CAPN7: variants seen among roughly 807,000 people sequenced by gnomAD.
The protein encoded by CAPN7 is calpain-7.
A neutral mutation model predicts 115.2 loss-of-function variants in CAPN7; 72 were observed. The observed-to-expected ratio is 0.63, with a 90% CI of 0.52 to 0.76. The LOEUF (loss-of-function observed/expected upper bound fraction) is 0.76. Among genes scored for constraint, CAPN7 ranks in the 30% least tolerant of loss-of-function variants. The pLI is 0.00. For synonymous variants in CAPN7, 344 were observed against 322.3 expected, an observed-to-expected ratio of 1.07 and a Z score of -0.72; for missense variants, 905 against 971.5, an observed-to-expected ratio of 0.93 and a Z score of 0.91.
intron 12 of CAPN7, among the ~76,000 whole-genome samples, chr3:15,237,455 C>T (rs752584894): frequency 7.2e-5 from 11 of 152,064 alleles, no homozygotes; most frequent in Non-Finnish European, 1.3e-4. Context: ...TTAATGAGGA[C>T]AGTAGGGACC....
Position 15,251,220 on chromosome 3 carries a change from T to G in CAPN7, c.2402T>G (p.Phe801Cys). 4 of 1,610,712 alleles carry G rather than the reference T, an allele frequency of 2.5e-6. No individual in the cohort carries two copies. The highest frequency in any genetic ancestry group is 3.4e-6 in the Non-Finnish European group (4 of 1,178,768). Reference protein sequence around the residue: ...PKQEGPFFLDFNSIIPIKITQ... With the variant: ...PKQEGPFFLDCNSIIPIKITQ... Reference sequence around the variant, plus strand: ...CAAGAAGGACCTTTTTTCTTGGACTTTAATAGTATTATCCCCATCAAGATC... The same window carrying G: ...CAAGAAGGACCTTTTTTCTTGGACTGTAATAGTATTATCCCCATCAAGATC... The change falls in exon 21 of 21, where the codon TTT becomes TGT. Residue 801 changes from phenylalanine to cysteine, a missense_variant. Physicochemically the swap from Phe to Cys is radical, Grantham distance 205 (BLOSUM62 -2). Coordinates refer to ENST00000253693, the MANE Select transcript of CAPN7 (RefSeq NM_014296.3).
chr3:15,229,116 T>A, intron 8 of CAPN7, 57 bp downstream of exon 8: 1 of 1,269,524 alleles, frequency 7.9e-7, no homozygotes, highest in Non-Finnish European at 1.2e-6. Flanking sequence ...ACTAGAAATT[T>A]AAAACTTAAG....
intron 17 of CAPN7, chr3:15,245,917 A>G: frequency 2.7e-6 from 1 of 363,868 alleles, no homozygotes; most frequent in Non-Finnish European, 4.9e-6. Context: ...GTGGTAATAT[A>G]GTATGTTGGA....
rs776033856 is a variant in CAPN7, at chr3:15,217,614, T to C, written c.369+32T>C. The C allele has an allele frequency of 1.9e-6, 3 of 1,547,710 alleles. No homozygotes were observed. In the South Asian group the frequency reaches 3.8e-5, roughly 19 times the overall value. ...ATAGCTACAAATTACGTTTGATGAG[T>C]TATGCCAAACCATTTCTTCTCTTGC... On this transcript the variant is annotated intron_variant, in intron 3 of 20. Coordinates refer to ENST00000253693, the MANE Select transcript of CAPN7 (RefSeq NM_014296.3).
intron 16 of CAPN7, among the ~76,000 whole-genome samples, chr3:15,244,959 T>C (rs929774585): frequency 2.6e-5 from 4 of 152,138 alleles, no homozygotes; most frequent in African/African-American, 7.2e-5. Flanking sequence ...TATACACTTA[T>C]ACCAGAAACA....
At chr3:15,217,317 A>G (rs767379618) in intron 2 of CAPN7, 108 bp from the exon 3 acceptor site, 10 of 961,130 alleles carry the variant, frequency 1.0e-5, no homozygotes, top group Non-Finnish European at 1.4e-5. Flanking sequence ...AGTTTTTTAA[A>G]TGAAGAATAC....
Position 15,251,429 on chromosome 3 carries a change from T to C in CAPN7, c.*169T>C. The C allele has an allele frequency of 1.8e-6, 1 of 543,538 alleles. No individual in the cohort carries two copies. The highest frequency in any genetic ancestry group is 3.2e-6 in the Non-Finnish European group (1 of 316,486). The allele number at this position is 543,538 out of a possible 1,614,324, so 33.7% of individuals were successfully genotyped here. On this transcript the variant is annotated 3_prime_UTR_variant, in exon 21 of 21. Coordinates refer to ENST00000253693, the MANE Select transcript of CAPN7 (RefSeq NM_014296.3). ...CAGGGTGTTTGGTAAGAACTGTATA[T>C]AGTCAGAATTACCTAAATCACCTAG...
intron 7 of CAPN7, among the ~76,000 whole-genome samples, chr3:15,228,462 C>T (rs912803580): frequency 6.6e-6 from 1 of 152,094 alleles, no homozygotes; most frequent in Non-Finnish European, 1.5e-5. Flanking sequence ...ATGGAATCAA[C>T]CTAAATGCCC....
In CAPN7 at chr3:15,211,669, C is replaced by T. The variant is rs1002936224; in HGVS notation, c.103-435C>T. On this transcript the variant is annotated intron_variant, in intron 1 of 20. Coordinates refer to ENST00000253693, the MANE Select transcript of CAPN7 (RefSeq NM_014296.3). ...CAGCACTTTGGGAGGCCGAGGTGGG[C>T]AGATCACTTGAGGCCAGGAGTTCAA... 2.6e-5 allele frequency among the ~76,000 whole-genome samples: 4 copies of T among 151,522 alleles called. No homozygotes were observed. The East Asian group carries it at 7.7e-4, about 29-fold the overall frequency.
intron 3 of CAPN7, among the ~76,000 whole-genome samples, chr3:15,217,869 A>G (rs1028023936): frequency 6.6e-6 from 1 of 152,218 alleles, no homozygotes; most frequent in Non-Finnish European, 1.5e-5. Context: ...TCACAAATCT[A>G]TTAATTTAGA....
At chr3:15,250,254 A>G (rs1695925241) in intron 19 of CAPN7, among the ~76,000 whole-genome samples, 1 of 151,838 alleles carries the variant, frequency 6.6e-6, no homozygotes. Context: ...GTACATACCC[A>G]TAGTCCCAGG....
intron 16 of CAPN7, among the ~76,000 whole-genome samples, chr3:15,243,011 TA>T (rs753471456): frequency 1.4e-3 from 213 of 151,862 alleles, no homozygotes; most frequent in African/African-American, 4.9e-3. Flanking sequence ...GATACACGTG[TA>T]AAAAAAAGGG....
chr3:15,211,482 C>G lies in CAPN7; in HGVS notation c.103-622C>G, dbSNP rs115157431. ...TGAGAGAGAGCCTGGATAGCTCCTT[C>G]GGTAGAGCATCATCAGACTTTTAAT... On this transcript the variant is annotated intron_variant, in intron 1 of 20. Transcript: ENST00000253693. Among the ~76,000 whole-genome samples, 679 of 152,132 alleles carry G rather than the reference C, an allele frequency of 4.5e-3. 11 individuals carry two copies. The highest frequency in any genetic ancestry group is 0.015 in the African/African-American group (643 of 41,494).
chr3:15,212,284 T>C, intron 2 of CAPN7, 72 bp downstream of exon 2: 2 of 781,104 alleles, frequency 2.6e-6, no homozygotes, highest in Non-Finnish European at 4.1e-6. Flanking sequence ...CCCATGTTTG[T>C]TTCTCTTCTT....
intron 16 of CAPN7, among the ~76,000 whole-genome samples, chr3:15,244,688 A>G (rs1465145435): frequency 1.3e-5 from 2 of 152,196 alleles, no homozygotes; most frequent in South Asian, 2.1e-4. Flanking sequence ...ATAAAATTTT[A>G]TTGTATCAGG....
chr3:15,206,380 T>A lies in CAPN7; in HGVS notation c.-116T>A. 1.4e-6 allele frequency: 1 copy of A among 721,184 alleles called. No homozygotes were observed. Among genetic ancestry groups the A allele is most frequent in the South Asian group, 1.8e-5 (1 of 56,362 alleles). The allele number at this position is 721,184 out of a possible 1,614,324, so 44.7% of individuals were successfully genotyped here. On this transcript the variant is annotated 5_prime_UTR_variant, in exon 1 of 21. In the 5' UTR this introduces an upstream ATG that the reference lacks. Coordinates refer to ENST00000253693, the MANE Select transcript of CAPN7 (RefSeq NM_014296.3). Reference sequence around the variant, plus strand: ...TCTCCTCCACCGTCCAAAGTAAACTTTGCCGCTCCTTCCGCGGCGCTCCCG... The same window carrying A: ...TCTCCTCCACCGTCCAAAGTAAACTATGCCGCTCCTTCCGCGGCGCTCCCG...
At chr3:15,247,304 A>T (rs1695723030) in intron 18 of CAPN7, 23 bp from the exon 19 acceptor site, 1 of 1,498,604 alleles carries the variant, frequency 6.7e-7, no homozygotes, top group African/African-American at 1.5e-5. Flanking sequence ...TTTTGTTAAT[A>T]CTAAAACTTT....
intron 17 of CAPN7, chr3:15,246,381 A>G (rs1377852320): frequency 1.0e-5 from 2 of 199,390 alleles, no homozygotes; most frequent in Admixed American, 5.9e-5. Context: ...AGGTCATTGT[A>G]ATTTTCTTCT....
chr3:15,220,940 A>G lies in CAPN7; in HGVS notation c.597A>G (p.Ala199=). 5.0e-6 allele frequency: 8 copies of G among 1,614,144 alleles called. No homozygotes were observed. Among genetic ancestry groups the G allele is most frequent in the Non-Finnish European group, 6.8e-6 (8 of 1,179,976 alleles). ...QSFISPQSCD[A]QGQRYTAEEI... ...TTATAAGTCCTCAGTCATGTGATGC[A>G]CAAGGACAGAGATACACAGCAGAAG... The change falls in exon 5 of 21, where the codon GCA becomes GCG. Residue 199 remains alanine, a synonymous_variant. Transcript: ENST00000253693.
Sources: gnomAD v4.1 joint callset for allele counts (sites outside exome capture counted in the v4.1 genomes callset) on GRCh38, gnomAD v4.1.1 for gene constraint, MANE v1.5 for transcripts, NCBI Gene and HGNC (gene_info 2026-07-23, HGNC 2026-07-21) for gene names.